CELF4: variants seen among roughly 807,000 people sequenced by gnomAD.
CELF4 encodes the protein CUG-BP- and ETR-3-like factor 4.
In CELF4, 18 loss-of-function variants were observed where a neutral mutation model predicts 59.9. The observed-to-expected ratio is 0.30, with a 90% CI of 0.21 to 0.45. The LOEUF is 0.45. Among genes scored for constraint, CELF4 ranks in the 20% least tolerant of loss-of-function variants. The pLI is 1.00. For synonymous variants in CELF4, 261 were observed against 267.1 expected (o/e 0.98, Z 0.22); for missense variants, 456 against 689.0 (o/e 0.66, Z 3.79).
chr18:37,477,269 G>T (rs1304798504), intron 2 of CELF4, among the ~76,000 whole-genome samples: 2 of 152,216 alleles, frequency 1.3e-5, no homozygotes, highest in Non-Finnish European at 2.9e-5. Context: ...TGCTTGGATG[G>T]GGACGGATTG....
chr18:37,352,250 C>G (rs2098457382), intron 2 of CELF4, among the ~76,000 whole-genome samples: 1 of 152,206 alleles, frequency 6.6e-6, no homozygotes, highest in Non-Finnish European at 1.5e-5. Flanking sequence ...AGCCACCAAG[C>G]AAGGGGACTA....
intron 1 of CELF4, among the ~76,000 whole-genome samples, chr18:37,560,603 G>GTGTGTA (rs1270061977): frequency 1.3e-5 from 2 of 152,110 alleles, no homozygotes; most frequent in Non-Finnish European, 2.9e-5. Context: ...AAAGCTATAG[G>GTGTGTA]TGTGTACCTA....
chr18:37,366,334 A>C (rs2098782562), intron 2 of CELF4, among the ~76,000 whole-genome samples: 2 of 152,168 alleles, frequency 1.3e-5, no homozygotes, highest in South Asian at 4.1e-4. Flanking sequence ...CACTCAAGTC[A>C]CACCCAGATG....
At chr18:37,328,835 G>A (rs1337083604) in intron 2 of CELF4, among the ~76,000 whole-genome samples, 2 of 152,146 alleles carry the variant, frequency 1.3e-5, no homozygotes, top group Admixed American at 6.5e-5. Flanking sequence ...AGCTCACTGT[G>A]CCCTAATCCC....
intron 2 of CELF4, among the ~76,000 whole-genome samples, chr18:37,404,074 T>C (rs1290526613): frequency 6.6e-6 from 1 of 152,208 alleles, no homozygotes; most frequent in African/African-American, 2.4e-5. Flanking sequence ...GATTCCCCTC[T>C]GGGGCCCGGC....
At chr18:37,318,236 T>G (rs2096937312) in intron 3 of CELF4, among the ~76,000 whole-genome samples, 1 of 151,948 alleles carries the variant, frequency 6.6e-6, no homozygotes, top group African/African-American at 2.4e-5. Flanking sequence ...CGCACCACTG[T>G]GCCCCAGTCT....
intron 1 of CELF4, among the ~76,000 whole-genome samples, chr18:37,528,036 G>T (rs1013692228): frequency 2.6e-5 from 4 of 152,182 alleles, no homozygotes; most frequent in African/African-American, 9.7e-5. Context: ...AGCTAAAAAG[G>T]TTCCTGACCT....
chr18:37,421,241 C>G (rs113623626), intron 2 of CELF4, among the ~76,000 whole-genome samples: 1 of 152,218 alleles, frequency 6.6e-6, no homozygotes, highest in Non-Finnish European at 1.5e-5. Context: ...AGATTGAACA[C>G]GAAGCATGTT....
At chr18:37,419,021 C>T (rs1213810887) in intron 2 of CELF4, among the ~76,000 whole-genome samples, 1 of 152,176 alleles carries the variant, frequency 6.6e-6, no homozygotes, top group Non-Finnish European at 1.5e-5. Flanking sequence ...GGGAGACCTG[C>T]TGGTGTCCTC....
At chr18:37,486,219 A>G (rs1373589533) in intron 1 of CELF4, among the ~76,000 whole-genome samples, 1 of 152,096 alleles carries the variant, frequency 6.6e-6, no homozygotes, top group Non-Finnish European at 1.5e-5. Flanking sequence ...TCCAAGTCAG[A>G]GGGCTTCTAG....
intron 3 of CELF4, among the ~76,000 whole-genome samples, chr18:37,293,743 T>G (rs1235482895): frequency 6.6e-6 from 1 of 152,160 alleles, no homozygotes; most frequent in Non-Finnish European, 1.5e-5. Context: ...TATGGTATCC[T>G]AAGAGGTTAT....
chr18:37,341,352 G>C (rs955872675), intron 2 of CELF4, among the ~76,000 whole-genome samples: 5 of 152,210 alleles, frequency 3.3e-5, no homozygotes, highest in African/African-American at 1.2e-4. Flanking sequence ...CTGACAGTGG[G>C]AGTGGTCTGG....
At chr18:37,420,903 C>T (rs566130725) in intron 2 of CELF4, among the ~76,000 whole-genome samples, 18 of 152,292 alleles carry the variant, frequency 1.2e-4, no homozygotes, top group African/African-American at 3.8e-4. Context: ...CTTGCTTTTC[C>T]CATTAAGAGC....
intron 10 of CELF4, among the ~76,000 whole-genome samples, chr18:37,260,634 A>G (rs2073709939): frequency 6.6e-6 from 1 of 152,208 alleles, no homozygotes; most frequent in Admixed American, 6.5e-5. Flanking sequence ...CAGACAACCC[A>G]GTTCTGGAGT....
chr18:37,389,940 C>T (rs570935784), intron 2 of CELF4, among the ~76,000 whole-genome samples: 29 of 152,310 alleles, frequency 1.9e-4, no homozygotes, highest in East Asian at 5.8e-4. Context: ...CGCTCACTCA[C>T]GCTGCACAGA....
intron 1 of CELF4, among the ~76,000 whole-genome samples, chr18:37,516,438 G>A (rs895522416): frequency 6.6e-6 from 1 of 152,172 alleles, no homozygotes; most frequent in Non-Finnish European, 1.5e-5. Context: ...CTGGCTCCTG[G>A]CCAGCAAAGG....
At chr18:37,383,048 ATG>A (rs1336655735) in intron 2 of CELF4, among the ~76,000 whole-genome samples, 1 of 151,876 alleles carries the variant, frequency 6.6e-6, no homozygotes, top group African/African-American at 2.4e-5. Context: ...GTATGTATGT[ATG>A]TATGTATGTA....
chr18:37,558,824 T>TGTGC (rs2099985694), intron 1 of CELF4, among the ~76,000 whole-genome samples: 1 of 151,526 alleles, frequency 6.6e-6, no homozygotes, highest in South Asian at 2.1e-4. Flanking sequence ...TGTGTGTGTG[T>TGTGC]GTGTGTGTGT....
intron 2 of CELF4, among the ~76,000 whole-genome samples, chr18:37,338,497 A>G (rs956338899): frequency 1.3e-5 from 2 of 152,066 alleles, no homozygotes; most frequent in Non-Finnish European, 2.9e-5. Flanking sequence ...TAGCTCAAAG[A>G]GATACTGCTA....
Sources: gnomAD v4.1 joint callset for allele counts (sites outside exome capture counted in the v4.1 genomes callset) on GRCh38, gnomAD v4.1.1 for gene constraint, MANE v1.5 for transcripts, NCBI Gene and HGNC (gene_info 2026-07-23, HGNC 2026-07-21) for gene names.